The following MITD1 variants were observed in gnomAD, a reference collection of about 807,000 sequenced individuals.
MITD1 encodes MIT domain-containing protein 1.
Under a neutral mutation model 34.9 loss-of-function variants are expected in MITD1, and 24 were observed. The observed-to-expected ratio is 0.69, with a 90% CI of 0.50 to 0.97. The LOEUF (loss-of-function observed/expected upper bound fraction) is 0.97, where lower values mean the gene tolerates loss of function less well. MITD1 is among the 50% of genes least tolerant of loss of function. MITD1 has a pLI of 0.00. For missense variants in MITD1, 266 were observed against 294.6 expected (o/e 0.90, Z 0.71); for synonymous variants, 102 against 101.4 (o/e 1.01, Z -0.04).
chr2:99,174,917 C>T (rs1049503224), intron 1 of MITD1, among the ~76,000 whole-genome samples: 2 of 148,752 alleles, frequency 1.3e-5, no homozygotes, highest in Non-Finnish European at 3.0e-5. Context: ...GTAGAGACGG[C>T]GTTTCACCAT....
intron 1 of MITD1, chr2:99,178,375 C>T (rs1042707239): frequency 2.6e-5 from 4 of 152,186 alleles, no homozygotes; most frequent in African/African-American, 9.7e-5. Flanking sequence ...ACATCCTTGC[C>T]ATATTCAGTC....
chr2:99,167,892 T>A (rs1486128450), downstream of MITD1, among the ~76,000 whole-genome samples: 1 of 152,222 alleles, frequency 6.6e-6, no homozygotes, highest in Admixed American at 6.5e-5. Context: ...TGGAAGCCCT[T>A]CCTGGCCTTT....
At position 99,162,238 on chromosome 2, in the gene MITD1, T is replaced by C. The variant is rs754749935; in HGVS notation, c.*4-20A>G. Reference sequence around the variant, plus strand: ...CTGAATCTAATGAGAGAAGAAGGTATAAAACTGGCTCGGAGAAGAAGTGGA... The same window carrying C: ...CTGAATCTAATGAGAGAAGAAGGTACAAAACTGGCTCGGAGAAGAAGTGGA... On this transcript the variant is annotated intron_variant, in intron 7 of 7. Coordinates refer to the MITD1 transcript ENST00000422537. 8.1e-6 allele frequency: 13 copies of C among 1,613,784 alleles called. No individual in the cohort carries two copies. In the East Asian group the frequency reaches 2.9e-4, roughly 36 times the overall value.
intron 7 of MITD1, chr2:99,162,535 T>TA (rs1336859354): frequency 6.2e-7 from 1 of 1,614,184 alleles, no homozygotes; most frequent in East Asian, 2.2e-5. Flanking sequence ...TCTTCTTTGC[T>TA]AAAGAGCCCT....
rs200711663 is a variant in MITD1 at position 99,171,386 on chromosome 2, G to T, written c.434C>A (p.Pro145Gln). Residue 145 changes from proline to glutamine, a missense_variant, in exon 4 of 7, where the codon CCA becomes CAA. Physicochemically the swap from Pro to Gln is moderately conservative, Grantham distance 76. Transcript: ENST00000289359. ...AAGGTGAATAGTTTTTACTTTACAT[G>T]GTCTCTTAATAAGCATCTCACAAAA... ...LRFCEMLIKRPCKVKTIHLLT... is the reference protein window; with the variant it reads ...LRFCEMLIKRQCKVKTIHLLT... 3 of 1,611,944 alleles carry T rather than the reference G, an allele frequency of 1.9e-6. No individual in the cohort carries two copies. Among genetic ancestry groups the T allele is most frequent in the Non-Finnish European group, 1.7e-6 (2 of 1,179,414 alleles).
At chr2:99,180,422 T>C (rs993051369) in intron 1 of MITD1, among the ~76,000 whole-genome samples, 9 of 152,156 alleles carry the variant, frequency 5.9e-5, no homozygotes, top group Admixed American at 1.3e-4. Flanking sequence ...TTGGTCTGCA[T>C]CTCTAAAAAT....
chr2:99,167,742 C>T (rs1303185045), downstream of MITD1, among the ~76,000 whole-genome samples: 1 of 152,202 alleles, frequency 6.6e-6, no homozygotes, highest in Non-Finnish European at 1.5e-5. Flanking sequence ...ATCAGGCCAA[C>T]ACTTGTTCAA....
intron 7 of MITD1, chr2:99,162,263 A>C (rs376450888): frequency 6.2e-7 from 1 of 1,613,090 alleles, no homozygotes; most frequent in Non-Finnish European, 8.5e-7. Context: ...GAAGAAGTGG[A>C]GGAGGAACAG....
At chr2:99,171,474 T>C in intron 3 of MITD1, 36 bp downstream of exon 3, 1 of 1,595,982 alleles carries the variant, frequency 6.3e-7, no homozygotes, top group Non-Finnish European at 8.6e-7. Context: ...GTACATTGAA[T>C]ATGATATTTC....
At chr2:99,180,805 C>A (rs2093914410) in intron 1 of MITD1, 26 bp downstream of exon 1, 1 of 1,601,178 alleles carries the variant, frequency 6.2e-7, no homozygotes, top group South Asian at 1.1e-5. Context: ...TTCCTCAGGT[C>A]CTCCCCGCCT....
At chr2:99,175,612 C>A (rs919483024) in intron 1 of MITD1, among the ~76,000 whole-genome samples, 1 of 152,124 alleles carries the variant, frequency 6.6e-6, no homozygotes, top group African/African-American at 2.4e-5. Context: ...TTTGTAAGTA[C>A]CTTATGGAAA....
At chr2:99,173,353 A>G in intron 2 of MITD1, 1 of 382,808 alleles carries the variant, frequency 2.6e-6, no homozygotes, top group South Asian at 2.0e-5. Context: ...ATGGCCATTT[A>G]CAGACATTTG....
Position 99,169,344 on chromosome 2 carries a change from G to T in MITD1, c.*31C>A. On this transcript the variant is annotated 3_prime_UTR_variant, in exon 7 of 7. Coordinates refer to ENST00000289359, the MANE Select transcript of MITD1 (RefSeq NM_138798.3). ...AAAAAAAATCCAATATTCACTTAAAGTAGACATAATACAAATTAGGCTACC... is the reference window on the plus strand; with the variant it reads ...AAAAAAAATCCAATATTCACTTAAATTAGACATAATACAAATTAGGCTACC... 9.2e-7 allele frequency: 1 copy of T among 1,090,356 alleles called. No individual in the cohort carries two copies. Among genetic ancestry groups the T allele is most frequent in the Non-Finnish European group, 1.4e-6 (1 of 735,078 alleles). The allele number at this position is 1,090,356 out of a possible 1,614,324, so 67.5% of individuals were successfully genotyped here. A position where few individuals can be genotyped will look rare whatever the true frequency, so the allele number is the denominator to read the frequency against.
chr2:99,171,187 T>A (rs957049716), intron 4 of MITD1, among the ~76,000 whole-genome samples, 156 bp downstream of exon 4: 2 of 152,204 alleles, frequency 1.3e-5, no homozygotes, highest in Admixed American at 6.5e-5. Context: ...AATCAATAAC[T>A]TTTTTTATGA....
chr2:99,162,758 A>G (rs376229375), intron 7 of MITD1: 1 of 1,614,214 alleles, frequency 6.2e-7, no homozygotes, highest in Non-Finnish European at 8.5e-7. Flanking sequence ...AAGAACTGCA[A>G]ACTTGGGAGT....
At chr2:99,171,732 T>TCAGATACATA in intron 2 of MITD1, 86 bp from the exon 3 acceptor site, 1 of 1,276,630 alleles carries the variant, frequency 7.8e-7, no homozygotes, top group South Asian at 1.4e-5. Context: ...TTAATCAGCA[T>TCAGATACATA]CAGATACATA....
At chr2:99,168,130 GTTTT>G (rs1166655089), downstream of MITD1, among the ~76,000 whole-genome samples, 2 of 151,934 alleles carry the variant, frequency 1.3e-5, no homozygotes, top group Non-Finnish European at 2.9e-5. Context: ...GCTTAGCTGG[GTTTT>G]TTTATTTGTT....
downstream of MITD1, among the ~76,000 whole-genome samples, chr2:99,166,378 T>C (rs1276348203): frequency 6.6e-6 from 1 of 151,398 alleles, no homozygotes; most frequent in Non-Finnish European, 1.5e-5. Flanking sequence ...CCATTGAATA[T>C]GGTAGTACAG....
intron 1 of MITD1, among the ~76,000 whole-genome samples, chr2:99,178,529 A>T (rs2093899183): frequency 6.6e-6 from 1 of 152,210 alleles, no homozygotes; most frequent in African/African-American, 2.4e-5. Context: ...TTGGCAAAAC[A>T]TGTATATTAG....
Sources: allele counts gnomAD v4.1 joint callset (sites outside exome capture counted in the v4.1 genomes callset), GRCh38; gene constraint gnomAD v4.1.1; transcripts MANE v1.5; gene names NCBI Gene and HGNC (gene_info 2026-07-23, HGNC 2026-07-21).